Variants in DCDC2B observed in about 807,000 individuals in gnomAD.
The protein encoded by DCDC2B is doublecortin domain containing 2B.
A neutral mutation model predicts 38.9 loss-of-function variants in DCDC2B; 41 were observed. The observed-to-expected ratio is 1.05, with a 90% confidence interval of 0.82 to 1.37. The LOEUF (loss-of-function observed/expected upper bound fraction) is 1.37. DCDC2B is among the 40% of genes most tolerant of loss of function. The probability of loss-of-function intolerance (pLI) is 0.00; values close to 1 mark genes in which losing one functional copy is unlikely to be tolerated. For missense variants in DCDC2B, 453 were observed against 427.2 expected, an observed-to-expected ratio of 1.06 and a Z score of -0.53; for synonymous variants, 181 against 171.9, an observed-to-expected ratio of 1.05 and a Z score of -0.41.
Position 32,214,943 on chromosome 1 carries a change from C to A in DCDC2B, c.850+11C>A, listed in dbSNP as rs1313246469. The A allele has an allele frequency of 1.1e-5, 17 of 1,613,802 alleles. No individual in the cohort carries two copies. In the Admixed American group the frequency reaches 2.7e-4, roughly 25 times the overall value. ...TCTCATTCCCATCAGGTGAGGGGTC[C>A]CTGGGGCTCAGGCCCTTCTCAGCTG... On this transcript the variant is annotated intron_variant, in intron 7 of 8. Coordinates refer to ENST00000409358, the MANE Select transcript of DCDC2B (RefSeq NM_001099434.2).
chr1:32,211,970 G>A, intron 3 of DCDC2B, 100 bp from the exon 4 acceptor site: 1 of 1,543,340 alleles, frequency 6.5e-7, no homozygotes, highest in African/African-American at 1.4e-5. Context: ...GATGGGTGAA[G>A]AGAGACCAGT....
intron 4 of DCDC2B, 39 bp downstream of exon 4, chr1:32,212,240 G>A: frequency 6.2e-7 from 1 of 1,601,370 alleles, no homozygotes; most frequent in East Asian, 2.2e-5. Flanking sequence ...AGTCCCCAAA[G>A]AGAGCCTCGC....
At chr1:32,214,568 C>G in intron 6 of DCDC2B, 1 of 553,580 alleles carries the variant, frequency 1.8e-6, no homozygotes, top group East Asian at 3.2e-5. Context: ...GAAGCACAGT[C>G]TGGTTTCACT....
rs71646366 is a variant in DCDC2B at position 32,214,868 on chromosome 1, C to G, written c.786C>G (p.Phe262Leu). The change falls in exon 7 of 9, where the codon TTC (phenylalanine) becomes TTG (leucine). Residue 262 changes from phenylalanine (F) to leucine (L), a missense_variant. Coordinates refer to ENST00000409358, the MANE Select transcript of DCDC2B (RefSeq NM_001099434.2). ...KEPDRIKPSA[F>L]YARPQQTIQP... ...CAGACCGAATTAAGCCATCTGCTTT[C>G]TATGCCAGACCCCAGCAGACCATTC... 1 of 1,613,988 alleles carries G rather than the reference C, an allele frequency of 6.2e-7. No homozygotes were observed. Among genetic ancestry groups the G allele is most frequent in the South Asian group, 1.1e-5 (1 of 91,078 alleles).
intron 6 of DCDC2B, among the ~76,000 whole-genome samples, chr1:32,214,121 C>T (rs1011938931): frequency 8.6e-5 from 13 of 151,510 alleles, no homozygotes; most frequent in African/African-American, 3.2e-4. Context: ...ACCAGCCTGG[C>T]CAACATGGTA....
At chr1:32,213,750 T>TCAG (rs1643681567) in intron 6 of DCDC2B, among the ~76,000 whole-genome samples, 1 of 151,706 alleles carries the variant, frequency 6.6e-6, no homozygotes, top group Admixed American at 6.6e-5. Flanking sequence ...GACCTCGTGA[T>TCAG]CAGCCCACCT....
In DCDC2B at chr1:32,212,637, G is replaced by A; in HGVS notation, c.674+1G>A. The A allele has an allele frequency of 1.9e-6, 3 of 1,613,918 alleles. No individual in the cohort carries two copies. Among genetic ancestry groups the A allele is most frequent in the East Asian group, 2.2e-5 (1 of 44,868 alleles). ...GCCCCTCCCTGCCCAGGGGCTGCTG[G>A]TATGTATGTGGGAGGTGGAGCGGTA... On this transcript the variant is annotated splice_donor_variant, in intron 5 of 8. Coordinates refer to ENST00000409358, the MANE Select transcript of DCDC2B (RefSeq NM_001099434.2). LOFTEE classifies it high-confidence loss of function.
In DCDC2B at chr1:32,211,340, C is replaced by G; in HGVS notation, c.318+17C>G. 1 of 1,613,506 alleles carries G rather than the reference C, an allele frequency of 6.2e-7. No individual in the cohort carries two copies. The highest frequency in any genetic ancestry group is 8.5e-7 in the Non-Finnish European group (1 of 1,179,710). Reference sequence around the variant, plus strand: ...AGACTACAAGTGAGTCCCGGGGAACCTGTGCCCCAGCCCCTCTGTCTTCCC... The same window carrying G: ...AGACTACAAGTGAGTCCCGGGGAACGTGTGCCCCAGCCCCTCTGTCTTCCC... On this transcript the variant is annotated intron_variant, in intron 2 of 8. Transcript: ENST00000409358.
At position 32,212,162 on chromosome 1, in the gene DCDC2B, T is replaced by G. The variant is rs766572788; in HGVS notation, c.488T>G (p.Leu163Arg). 6.2e-7 allele frequency: 1 copy of G among 1,613,826 alleles called. No homozygotes were observed. The change falls in exon 4 of 9, where the codon CTG becomes CGG. Residue 163 changes from leucine (L) to arginine (R), a missense_variant. Physicochemically the swap from Leu to Arg is moderately radical, Grantham distance 102. Coordinates refer to ENST00000409358, the MANE Select transcript of DCDC2B (RefSeq NM_001099434.2). ...GACTGGGAAACTGTGTTGAAGCTCCTGACTGAGAAGGTCAAGTTGCAGAGT... is the reference window on the plus strand; with the variant it reads ...GACTGGGAAACTGTGTTGAAGCTCCGGACTGAGAAGGTCAAGTTGCAGAGT... ...SQDWETVLKL[L>R]TEKVKLQSGA...
Sources: gnomAD v4.1 joint callset for allele counts (sites outside exome capture counted in the v4.1 genomes callset) on GRCh38, gnomAD v4.1.1 for gene constraint, MANE v1.5 for transcripts, NCBI Gene and HGNC (gene_info 2026-07-23, HGNC 2026-07-21) for gene names.